SESN1: variants seen among roughly 807,000 people sequenced by gnomAD.
The protein encoded by SESN1 is sestrin 1, also known as sestrin-1.
In SESN1, 30 loss-of-function variants were observed where a neutral mutation model predicts 59.3. The ratio of observed to expected loss-of-function variants is 0.51; its 90% confidence interval spans 0.38 to 0.69. SESN1 has a LOEUF of 0.69. Ranked by LOEUF, SESN1 falls within the 30% of genes least tolerant of loss-of-function variation. The pLI is 0.00. For synonymous variants in SESN1, 197 were observed against 219.9 expected, an observed-to-expected ratio of 0.90 and a Z score of 0.92; for missense variants, 566 against 673.0, an observed-to-expected ratio of 0.84 and a Z score of 1.76.
At chr6:109,087,139 T>C (rs1452626839) in intron 1 of SESN1, among the ~76,000 whole-genome samples, 1 of 151,812 alleles carries the variant, frequency 6.6e-6, no homozygotes, top group Non-Finnish European at 1.5e-5. Context: ...TCAAAATAAA[T>C]AAATAAACAA....
At position 109,001,489 on chromosome 6, in the gene SESN1, C is replaced by T; in HGVS notation, c.346-1G>A. 1 of 1,610,416 alleles carries T rather than the reference C, an allele frequency of 6.2e-7. No individual in the cohort carries two copies. The highest frequency in any genetic ancestry group is 8.5e-7 in the Non-Finnish European group (1 of 1,178,100). On this transcript the variant is annotated splice_acceptor_variant, in intron 2 of 9. Transcript: ENST00000436639. LOFTEE classifies it high-confidence loss of function. ...CGTCTTCACTCCCCACTTGGAGGAT[C>T]TGTATAAATGAGAAAAACCATGGTT... is the stretch of plus-strand genomic sequence containing the variant.
At chr6:109,020,477 C>T (rs1341928283) in intron 1 of SESN1, among the ~76,000 whole-genome samples, 2 of 152,060 alleles carry the variant, frequency 1.3e-5, no homozygotes, top group Non-Finnish European at 2.9e-5. Context: ...ATGCTACAGG[C>T]CAAATCCAAA....
At position 108,985,698 on chromosome 6, in the gene SESN1, A is replaced by T. The variant is rs1343809364; in HGVS notation, c.*1846T>A. On this transcript the variant is annotated 3_prime_UTR_variant, in exon 10 of 10. Coordinates refer to ENST00000436639, the MANE Select transcript of SESN1 (RefSeq NM_014454.3). ...ACTGCTGATTAGAATCTCTACTAGA[A>T]ATTTTGTATTTTCAAGAGGAGGAAC... Among the ~76,000 whole-genome samples, 1 of 152,186 alleles carries T rather than the reference A, an allele frequency of 6.6e-6. No individual in the cohort carries two copies. Among genetic ancestry groups the T allele is most frequent in the Non-Finnish European group, 1.5e-5 (1 of 68,034 alleles).
intron 1 of SESN1, among the ~76,000 whole-genome samples, chr6:109,047,471 G>C (rs1315232950): frequency 7.9e-6 from 1 of 125,912 alleles, no homozygotes; most frequent in South Asian, 3.1e-4. Flanking sequence ...GGAGGGAGGT[G>C]GGGGGGTCAG....
intron 1 of SESN1, among the ~76,000 whole-genome samples, chr6:109,040,809 C>T (rs879358199): frequency 3.3e-5 from 5 of 151,934 alleles, no homozygotes; most frequent in Admixed American, 1.3e-4. Flanking sequence ...CACGCGACCA[C>T]GCCCAGCTAA....
chr6:108,991,066 C>CAAAA (rs75020781), intron 7 of SESN1, among the ~76,000 whole-genome samples: 2 of 141,460 alleles, frequency 1.4e-5, no homozygotes, highest in African/African-American at 5.4e-5. Context: ...AGTCTCATCT[C>CAAAA]AAAAAAAAAC....
intron 1 of SESN1, among the ~76,000 whole-genome samples, chr6:109,012,706 G>C (rs1334367323): frequency 1.3e-5 from 2 of 152,138 alleles, no homozygotes; most frequent in African/African-American, 4.8e-5. Flanking sequence ...AAAAGATCTA[G>C]CATATGCAGA....
intron 2 of SESN1, 42 bp from the exon 3 acceptor site, chr6:109,001,530 T>G (rs1779625112): frequency 6.4e-7 from 1 of 1,555,674 alleles, no homozygotes; most frequent in African/African-American, 1.4e-5. Context: ...AATGGTAAAT[T>G]GGTGTTAAGG....
chr6:109,081,212 C>G (rs1229231508), intron 1 of SESN1, among the ~76,000 whole-genome samples: 3 of 152,104 alleles, frequency 2.0e-5, no homozygotes, highest in African/African-American at 7.2e-5. Context: ...TCCCAAGGAA[C>G]TGGGACCACA....
chr6:109,004,593 G>T (rs1301948264), intron 1 of SESN1, among the ~76,000 whole-genome samples: 2 of 151,662 alleles, frequency 1.3e-5, no homozygotes, highest in Non-Finnish European at 2.9e-5. Context: ...GCCACACCTG[G>T]CTAATTTTTT....
chr6:109,070,434 G>A (rs1176331853), intron 1 of SESN1, among the ~76,000 whole-genome samples: 1 of 149,342 alleles, frequency 6.7e-6, no homozygotes, highest in Admixed American at 6.7e-5. Context: ...ACAGGCAGCA[G>A]CTGTATGTGG....
chr6:109,000,321 C>A, intron 4 of SESN1, 170 bp downstream of exon 4: 2 of 470,712 alleles, frequency 4.2e-6, no homozygotes, highest in South Asian at 5.5e-5. Flanking sequence ...TCAATTACAG[C>A]AAATGTACCA....
At chr6:109,002,411 G>T in intron 1 of SESN1, 68 bp from the exon 2 acceptor site, 1 of 1,307,552 alleles carries the variant, frequency 7.6e-7, no homozygotes, top group South Asian at 1.2e-5. Context: ...CTAAAGGAAT[G>T]GGAGGGAAAA....
chr6:109,000,410 T>C, intron 4 of SESN1, 81 bp downstream of exon 4: 1 of 1,104,838 alleles, frequency 9.1e-7, no homozygotes, highest in East Asian at 2.7e-5. Flanking sequence ...CTCTGTACTT[T>C]CTGTGCGATT....
chr6:109,009,904 C>T (rs745342342), intron 1 of SESN1, among the ~76,000 whole-genome samples: 4 of 152,054 alleles, frequency 2.6e-5, no homozygotes, highest in Non-Finnish European at 5.9e-5. Context: ...AAACAGCAGC[C>T]AACCTCGAGA....
chr6:109,083,970 G>A (rs1472253442), intron 1 of SESN1, among the ~76,000 whole-genome samples: 1 of 152,186 alleles, frequency 6.6e-6, no homozygotes, highest in African/African-American at 2.4e-5. Context: ...GTCAAACACA[G>A]AGGTATCAAA....
At chr6:109,088,168 C>T (rs551927141) in intron 1 of SESN1, 1 of 151,996 alleles carries the variant, frequency 6.6e-6, no homozygotes, top group Admixed American at 6.6e-5. Context: ...CTCTTTTCTT[C>T]TTAGCTGCAG....
intron 1 of SESN1, among the ~76,000 whole-genome samples, chr6:109,054,770 C>CT (rs397887181): frequency 1.0e-5 from 1 of 98,914 alleles, no homozygotes; most frequent in African/African-American, 5.6e-5. Context: ...AGAATATTAA[C>CT]TTTTTCATAT....
At position 109,093,991 on chromosome 6, in the gene SESN1, A is replaced by G. The variant is rs774506132; in HGVS notation, c.83T>C (p.Ile28Thr). The G allele has an allele frequency of 1.2e-6, 2 of 1,614,170 alleles. No homozygotes were observed. The highest frequency in any genetic ancestry group is 1.7e-6 in the Non-Finnish European group (2 of 1,180,022). Residue 28 changes from isoleucine (I) to threonine (T), a missense_variant, in exon 1 of 10, where the codon ATT (isoleucine) becomes ACT (threonine). By Grantham distance (89) the Ile-to-Thr change is moderately conservative (BLOSUM62 -1). Coordinates refer to ENST00000436639, the MANE Select transcript of SESN1 (RefSeq NM_014454.3). ...GGTTTTCCTCAAAATGGTTTGCCTA[A>G]TGTTTTCCAATGCTGTCTCCCTAGT... ...STTRETALENIRQTILRKTEY... is the reference protein window; with the variant it reads ...STTRETALENTRQTILRKTEY...
Sources: gnomAD v4.1 joint callset for allele counts (sites outside exome capture counted in the v4.1 genomes callset) on GRCh38, gnomAD v4.1.1 for gene constraint, MANE v1.5 for transcripts, NCBI Gene and HGNC (gene_info 2026-07-23, HGNC 2026-07-21) for gene names.